The following MGA variants were observed in gnomAD, a reference collection of about 807,000 sequenced individuals.
MGA encodes MAX dimerization protein MGA.
MGA carries 40 observed loss-of-function variants against 261.1 expected under a neutral mutation model. The ratio of observed to expected loss-of-function variants is 0.15; its 90% CI spans 0.12 to 0.20. MGA has a LOEUF of 0.20. MGA is among the 10% of genes least tolerant of loss of function. The pLI, the probability that MGA is intolerant of heterozygous loss-of-function variation, is 1.00. For synonymous variants in MGA, 1,302 were observed against 1,290.6 expected (o/e 1.01, Z -0.19); for missense variants, 3,397 against 3,630.5 (o/e 0.94, Z 1.65).
At chr15:41,701,966 G>GT (rs1282679294) in intron 5 of MGA, among the ~76,000 whole-genome samples, 5 of 151,438 alleles carry the variant, frequency 3.3e-5, no homozygotes, top group South Asian at 4.2e-4. Context: ...CCTGTTTTGG[G>GT]TTTTTTTTCC....
At chr15:41,712,406 TG>T (rs535580988) in intron 8 of MGA, among the ~76,000 whole-genome samples, 1 of 152,216 alleles carries the variant, frequency 6.6e-6, no homozygotes, top group African/African-American at 2.4e-5. Flanking sequence ...AAAATACAAA[TG>T]GGGTTTTGCC....
chr15:41,734,265 T>G (rs2061659593), intron 11 of MGA, among the ~76,000 whole-genome samples: 1 of 152,122 alleles, frequency 6.6e-6, no homozygotes, highest in Non-Finnish European at 1.5e-5. Context: ...TAAATATGTT[T>G]CCCTCTTTAA....
chr15:41,670,515 A>AT (rs953954033), intron 2 of MGA, among the ~76,000 whole-genome samples: 8 of 151,814 alleles, frequency 5.3e-5, no homozygotes, highest in Non-Finnish European at 1.0e-4. Context: ...TAAGCATACT[A>AT]TTTTTTTTGA....
chr15:41,756,995 A>ATT (rs1567096241), intron 18 of MGA, among the ~76,000 whole-genome samples: 1 of 151,636 alleles, frequency 6.6e-6, no homozygotes, highest in Non-Finnish European at 1.5e-5. Context: ...ATATATATAT[A>ATT]TTTCTAGTAA....
intron 15 of MGA, among the ~76,000 whole-genome samples, chr15:41,745,250 C>G (rs947526861): frequency 2.7e-5 from 4 of 146,866 alleles, no homozygotes; most frequent in African/African-American, 5.0e-5. Context: ...TGCCAAATCC[C>G]CCTATGCGAG....
intron 1 of MGA, among the ~76,000 whole-genome samples, chr15:41,666,899 AAACTT>A (rs1414790388): frequency 6.6e-6 from 1 of 152,236 alleles, no homozygotes; most frequent in Non-Finnish European, 1.5e-5. Flanking sequence ...TGAATTAAGA[AAACTT>A]AAAGTCCTGG....
At chr15:41,734,501 C>G in intron 11 of MGA, 21 bp from the exon 12 acceptor site, 1 of 1,580,920 alleles carries the variant, frequency 6.3e-7, no homozygotes, top group Admixed American at 1.7e-5. Flanking sequence ...TAAAGTATTT[C>G]TGTGTTACTG....
intron 7 of MGA, among the ~76,000 whole-genome samples, chr15:41,709,241 C>T (rs960791523): frequency 2.0e-5 from 3 of 151,752 alleles, no homozygotes; most frequent in Admixed American, 6.6e-5. Context: ...GAGCTACTTG[C>T]GGGGCTGAGG....
upstream of MGA, among the ~76,000 whole-genome samples, chr15:41,658,223 T>G (rs938290158): frequency 6.6e-6 from 1 of 152,192 alleles, no homozygotes; most frequent in Admixed American, 6.5e-5. Context: ...GCAAAGACTT[T>G]TGTGTTAGGC....
chr15:41,630,714 T>C (rs1432012660), intron 1 of MGA, among the ~76,000 whole-genome samples: 1 of 152,222 alleles, frequency 6.6e-6, no homozygotes, highest in Non-Finnish European at 1.5e-5. Flanking sequence ...AATAGATTTT[T>C]CCTTCACTTG....
intron 5 of MGA, among the ~76,000 whole-genome samples, chr15:41,699,478 TG>T (rs1480862512): frequency 6.9e-6 from 1 of 144,356 alleles, no homozygotes; most frequent in East Asian, 1.9e-4. Flanking sequence ...CATCTTAATT[TG>T]GTTGCTTTTG....
At chr15:41,656,205 G>C (rs970186011), upstream of MGA, among the ~76,000 whole-genome samples, 3 of 152,068 alleles carry the variant, frequency 2.0e-5, no homozygotes, top group African/African-American at 7.2e-5. Flanking sequence ...TTAAACTTAA[G>C]TATGAAGGGT....
intron 23 of MGA, 64 bp downstream of exon 23, chr15:41,765,126 C>T (rs2063732458): frequency 6.4e-7 from 1 of 1,550,952 alleles, no homozygotes; most frequent in Non-Finnish European, 8.9e-7. Flanking sequence ...TCACGGTGAC[C>T]AAGGAAGGCT....
At chr15:41,762,460 GGTT>G (rs370281981) in intron 22 of MGA, 98 bp downstream of exon 22, 24 of 190,496 alleles carry the variant, frequency 1.3e-4, no homozygotes, top group East Asian at 3.8e-4. Flanking sequence ...AGTTTTGTGT[GGTT>G]TTTTTTTTTT....
intron 13 of MGA, 33 bp from the exon 14 acceptor site, chr15:41,739,873 C>T: frequency 2.5e-6 from 4 of 1,591,850 alleles, no homozygotes; most frequent in Non-Finnish European, 3.4e-6. Context: ...AGAATTTTAT[C>T]TTTACAGAAT....
At position 41,699,751 on chromosome 15, in the gene MGA, C is replaced by T. The variant is rs189074796; in HGVS notation, c.2188+592C>T. Among the ~76,000 whole-genome samples, 364 of 152,254 alleles carry T rather than the reference C, an allele frequency of 2.4e-3. 1 individual carries two copies. The highest frequency in any genetic ancestry group is 8.3e-3 in the African/African-American group (344 of 41,550). ...TCCTGACCTTGTGATCCGCCCGCCT[C>T]GGCCTCCCAATTATGTGTTTGTTTT... On this transcript the variant is annotated intron_variant, in intron 5 of 23. Coordinates refer to ENST00000219905, the MANE Select transcript of MGA (RefSeq NM_001164273.2).
At position 41,710,807 on chromosome 15, in the gene MGA, G is replaced by T; in HGVS notation, c.2542G>T (p.Ala848Ser). 6.2e-7 allele frequency: 1 copy of T among 1,613,948 alleles called. No individual in the cohort carries two copies. Among genetic ancestry groups the T allele is most frequent in the Non-Finnish European group, 8.5e-7 (1 of 1,179,870 alleles). ...AACAAGCATGGGTTTTTCTTCTAAT[G>T]CTCCCACATCTCCTGTGGTGTACCA... is the stretch of plus-strand genomic sequence containing the variant. Residue 848 changes from alanine (A) to serine (S), a missense_variant, in exon 8 of 24, where the codon GCT (alanine) becomes TCT (serine). By Grantham distance (99) the Ala-to-Ser change is moderately conservative (BLOSUM62 1). Coordinates refer to ENST00000219905, the MANE Select transcript of MGA (RefSeq NM_001164273.2).
At position 41,696,253 on chromosome 15, in the gene MGA, T is replaced by TCA; in HGVS notation, c.1244_1245dup (p.Asn416GlnfsTer9). On this transcript the variant is annotated frameshift_variant, in exon 3 of 24. Coordinates refer to ENST00000219905, the MANE Select transcript of MGA (RefSeq NM_001164273.2). LOFTEE classifies it high-confidence loss of function. ...GACAGATGAAGAGACGGATGTATACTCAAACAGTGATGATGATCCTATACT... is the reference window on the plus strand; with the variant it reads ...GACAGATGAAGAGACGGATGTATACTCACAAACAGTGATGATGATCCTATACT... The TCA allele has an allele frequency of 6.2e-7, 1 of 1,613,928 alleles. No homozygotes were observed. The highest frequency in any genetic ancestry group is 8.5e-7 in the Non-Finnish European group (1 of 1,179,898).
chr15:41,756,758 T>C (rs2063171666), intron 18 of MGA, among the ~76,000 whole-genome samples: 1 of 152,298 alleles, frequency 6.6e-6, no homozygotes, highest in Admixed American at 6.5e-5. Flanking sequence ...TTTGTACTTT[T>C]ATTTTCGATA....
Sources: allele counts gnomAD v4.1 joint callset (sites outside exome capture counted in the v4.1 genomes callset), GRCh38; gene constraint gnomAD v4.1.1; transcripts MANE v1.5; gene names NCBI Gene and HGNC (gene_info 2026-07-23, HGNC 2026-07-21).